The following PHLPP1 variants were observed in gnomAD, a reference collection of about 807,000 sequenced individuals.
The protein encoded by PHLPP1 is PH domain and leucine rich repeat protein phosphatase 1.
A neutral mutation model predicts 117.2 loss-of-function variants in PHLPP1; 42 were observed. The observed-to-expected ratio is 0.36, with a 90% CI of 0.28 to 0.46. PHLPP1 has a LOEUF of 0.46. Ranked by LOEUF, PHLPP1 falls within the 20% of genes least tolerant of loss-of-function variation. The probability of loss-of-function intolerance (pLI) is 1.00; values close to 1 mark genes in which losing one functional copy is unlikely to be tolerated. For missense variants in PHLPP1, 2,084 were observed against 2,241.9 expected (o/e 0.93, Z 1.42); for synonymous variants, 1,042 against 970.7 (o/e 1.07, Z -1.37).
intron 1 of PHLPP1, among the ~76,000 whole-genome samples, chr18:62,763,442 T>TAG (rs1277506253): frequency 1.3e-5 from 2 of 152,222 alleles, no homozygotes; most frequent in African/African-American, 4.8e-5. Context: ...CCCTGGACTC[T>TAG]ACCTTTTGCC....
chr18:62,849,231 T>C (rs1044238573), intron 3 of PHLPP1, among the ~76,000 whole-genome samples: 1 of 152,254 alleles, frequency 6.6e-6, no homozygotes, highest in African/African-American at 2.4e-5. Context: ...TACTGTTGTC[T>C]GATTCTTTGC....
intron 9 of PHLPP1, among the ~76,000 whole-genome samples, chr18:62,916,151 A>T (rs1343232218): frequency 1.3e-5 from 2 of 152,106 alleles, no homozygotes; most frequent in Non-Finnish European, 2.9e-5. Flanking sequence ...GGTAGCCCCC[A>T]GCCAGCCATT....
In PHLPP1 at chr18:62,898,324, G is replaced by A. The variant is rs567012352; in HGVS notation, c.2444+2313G>A. Among the ~76,000 whole-genome samples, 274 of 152,114 alleles carry A rather than the reference G, an allele frequency of 1.8e-3. 1 individual carries two copies. Among genetic ancestry groups the A allele is most frequent in the African/African-American group, 6.4e-3 (266 of 41,492 alleles). Reference sequence around the variant, plus strand: ...TTTCTCATGGATTTCTTTTTTTGCTGATAGCAACACCACCTCATTGGTTTT... The same window carrying A: ...TTTCTCATGGATTTCTTTTTTTGCTAATAGCAACACCACCTCATTGGTTTT... On this transcript the variant is annotated intron_variant, in intron 6 of 16. Coordinates refer to ENST00000262719, the MANE Select transcript of PHLPP1 (RefSeq NM_194449.4).
intron 1 of PHLPP1, among the ~76,000 whole-genome samples, chr18:62,772,293 CATT>C (rs1380182148): frequency 6.6e-6 from 1 of 152,012 alleles, no homozygotes; most frequent in African/African-American, 2.4e-5. Context: ...TTTATTTCAT[CATT>C]ATATCGTATC....
chr18:62,764,713 G>T (rs997977293), intron 1 of PHLPP1, among the ~76,000 whole-genome samples: 3 of 152,262 alleles, frequency 2.0e-5, no homozygotes, highest in Non-Finnish European at 4.4e-5. Context: ...GATGAAATGG[G>T]TTCTTACTTG....
rs368316862 is a variant in PHLPP1, at chr18:62,938,994, C to CTTTCTTTCTTTTT, written c.2961-2721_2961-2720insCTTTCTTTTTTTT. ...GTCTTTTTTCTTTCTTTCTTTCTTT[C>CTTTCTTTCTTTTT]TTTTTTTTTTTTTGAGCCGGAGTTT... On this transcript the variant is annotated intron_variant, in intron 10 of 16. Coordinates refer to ENST00000262719, the MANE Select transcript of PHLPP1 (RefSeq NM_194449.4). Among the ~76,000 whole-genome samples, 255 of 128,694 alleles carry CTTTCTTTCTTTTT rather than the reference C, an allele frequency of 2.0e-3. 1 individual carries two copies. The highest frequency in any genetic ancestry group is 3.4e-3 in the Non-Finnish European group (214 of 62,992). 84.4% of individuals were successfully genotyped at this position (128,694 alleles called of 152,430 possible).
chr18:62,963,191 C>T (rs1910814538), intron 13 of PHLPP1, among the ~76,000 whole-genome samples, 177 bp from the exon 14 acceptor site: 1 of 152,180 alleles, frequency 6.6e-6, no homozygotes, highest in Non-Finnish European at 1.5e-5. Flanking sequence ...CCTCAGTTTT[C>T]ATTACAACGA....
chr18:62,892,672 C>T (rs1440309487), intron 4 of PHLPP1, among the ~76,000 whole-genome samples: 5 of 151,434 alleles, frequency 3.3e-5, no homozygotes, highest in African/African-American at 4.8e-5. Context: ...GCCAGGAGAT[C>T]GAGACCATCC....
In PHLPP1 at chr18:62,771,421, G is replaced by A. The variant is rs57805031; in HGVS notation, c.1576+54162G>A. ...TACAGTGAAAAAATAATGTGTTCAT[G>A]GTAACTAAGCCTGTAAGCAGAAAAG... On this transcript the variant is annotated intron_variant, in intron 1 of 16. Transcript: ENST00000262719. Among the ~76,000 whole-genome samples, 148 of 152,206 alleles carry A rather than the reference G, an allele frequency of 9.7e-4. 1 individual carries two copies. The highest frequency in any genetic ancestry group is 2.3e-3 in the East Asian group (12 of 5,178).
chr18:62,891,763 C>T (rs367661031), intron 4 of PHLPP1, among the ~76,000 whole-genome samples: 34 of 148,294 alleles, frequency 2.3e-4, no homozygotes, highest in African/African-American at 7.2e-4. Flanking sequence ...TTTGGTGGTG[C>T]GTGCCTGTAG....
intron 12 of PHLPP1, among the ~76,000 whole-genome samples, chr18:62,953,511 G>T (rs903227393): frequency 6.6e-6 from 1 of 152,180 alleles, no homozygotes; most frequent in African/African-American, 2.4e-5. Context: ...GGGCTGCTAT[G>T]ACCTGTGCAT....
At chr18:62,788,910 C>G (rs1367568736) in intron 1 of PHLPP1, among the ~76,000 whole-genome samples, 1 of 152,068 alleles carries the variant, frequency 6.6e-6, no homozygotes, top group Non-Finnish European at 1.5e-5. Flanking sequence ...CAGGCCCTTT[C>G]ATCTTGTTGT....
intron 3 of PHLPP1, among the ~76,000 whole-genome samples, chr18:62,854,279 T>C (rs908868048): frequency 1.3e-5 from 2 of 152,234 alleles, no homozygotes; most frequent in Non-Finnish European, 2.9e-5. Flanking sequence ...CTGTTTCACT[T>C]CCCAAATATC....
chr18:62,863,456 GCC>G (rs1915685699), intron 4 of PHLPP1, among the ~76,000 whole-genome samples: 1 of 152,128 alleles, frequency 6.6e-6, no homozygotes, highest in African/African-American at 2.4e-5. Context: ...ACCCACCTCG[GCC>G]TCCCAAAGTG....
intron 1 of PHLPP1, among the ~76,000 whole-genome samples, chr18:62,768,393 T>G (rs1003653908): frequency 6.6e-6 from 1 of 152,210 alleles, no homozygotes; most frequent in Non-Finnish European, 1.5e-5. Context: ...CATGAACTTT[T>G]ATTGAAAACA....
intron 1 of PHLPP1, among the ~76,000 whole-genome samples, chr18:62,750,835 C>A (rs1175696743): frequency 2.0e-5 from 3 of 151,986 alleles, no homozygotes; most frequent in Non-Finnish European, 2.9e-5. Flanking sequence ...TGACAGGTCA[C>A]CCCATTTTGG....
intron 1 of PHLPP1, among the ~76,000 whole-genome samples, chr18:62,777,241 A>G (rs1274408531): frequency 6.6e-6 from 1 of 152,162 alleles, no homozygotes; most frequent in African/African-American, 2.4e-5. Flanking sequence ...GAGCCATTCT[A>G]ATGAGCTTGT....
chr18:62,916,435 A>T (rs942631214), intron 9 of PHLPP1, among the ~76,000 whole-genome samples: 3 of 151,682 alleles, frequency 2.0e-5, no homozygotes, highest in Admixed American at 2.0e-4. Flanking sequence ...TATTAAAGAA[A>T]TCTGAGTTAT....
chr18:62,842,949 A>G (rs1312828124), intron 3 of PHLPP1: 3 of 152,202 alleles, frequency 2.0e-5, no homozygotes, highest in Admixed American at 6.5e-5. Flanking sequence ...TAGGGAGAGT[A>G]GACTAGAATC....
Sources: gnomAD v4.1 joint callset for allele counts (sites outside exome capture counted in the v4.1 genomes callset) on GRCh38, gnomAD v4.1.1 for gene constraint, MANE v1.5 for transcripts, NCBI Gene and HGNC (gene_info 2026-07-23, HGNC 2026-07-21) for gene names.